Variants in LAMA2 observed in about 807,000 individuals in gnomAD.
LAMA2 encodes laminin subunit alpha 2.
LAMA2 carries 269 observed loss-of-function variants against 364.8 expected under a neutral mutation model. That is an observed-to-expected ratio of 0.74 (90% confidence interval 0.67 to 0.82). LAMA2 has a LOEUF of 0.82. Among genes scored for constraint, LAMA2 ranks in the 40% least tolerant of loss-of-function variants. LAMA2 has a pLI of 0.00. For missense variants in LAMA2, 3,807 were observed against 3,873.2 expected (o/e 0.98, Z 0.45); for synonymous variants, 1,379 against 1,370.6 (o/e 1.01, Z -0.14).
chr6:129,055,848 A>G (rs1312256092), intron 2 of LAMA2, among the ~76,000 whole-genome samples: 2 of 152,212 alleles, frequency 1.3e-5, no homozygotes, highest in Non-Finnish European at 2.9e-5. Flanking sequence ...TTGCATATTT[A>G]TCCCTGTTGA....
Position 129,317,143 on chromosome 6 carries a change from A to G in LAMA2, c.4058+972A>G, listed in dbSNP as rs532876459. Among the ~76,000 whole-genome samples, 6 of 152,292 alleles carry G rather than the reference A, an allele frequency of 3.9e-5. No homozygotes were observed. The East Asian group carries it at 9.6e-4, about 24-fold the overall frequency. On this transcript the variant is annotated intron_variant, in intron 27 of 64. Transcript: ENST00000421865. ...TTGAGTAGACGGTTCACCTTATCCAATGGGATAAAATGAGAAATCATACAG... is the reference window on the plus strand; with the variant it reads ...TTGAGTAGACGGTTCACCTTATCCAGTGGGATAAAATGAGAAATCATACAG...
At chr6:129,098,116 TA>T in intron 3 of LAMA2, 56 bp from the exon 4 acceptor site, 1 of 1,564,028 alleles carries the variant, frequency 6.4e-7, no homozygotes, top group Non-Finnish European at 8.8e-7. Flanking sequence ...ATATTTGACA[TA>T]AAATGATGAG....
chr6:129,450,570 C>G (rs1300497152), intron 45 of LAMA2, among the ~76,000 whole-genome samples: 2 of 152,168 alleles, frequency 1.3e-5, no homozygotes, highest in Non-Finnish European at 2.9e-5. Flanking sequence ...ATCCGCCCAT[C>G]TCAGCCTCCC....
chr6:129,035,221 C>A (rs1786534709), intron 1 of LAMA2, among the ~76,000 whole-genome samples: 1 of 151,028 alleles, frequency 6.6e-6, no homozygotes, highest in South Asian at 2.1e-4. Flanking sequence ...TAATTTGCAT[C>A]TCCCTGATGA....
chr6:129,004,967 T>C (rs1429761293), intron 1 of LAMA2, among the ~76,000 whole-genome samples: 1 of 152,116 alleles, frequency 6.6e-6, no homozygotes. Context: ...CTCATGGAAT[T>C]ATCAGATTCA....
At chr6:128,900,421 G>A (rs1255063474) in intron 1 of LAMA2, among the ~76,000 whole-genome samples, 1 of 152,162 alleles carries the variant, frequency 6.6e-6, no homozygotes, top group Non-Finnish European at 1.5e-5. Context: ...CATGGTCACA[G>A]TAAAGATTGA....
chr6:129,093,169 T>G (rs1774950007), intron 3 of LAMA2, among the ~76,000 whole-genome samples: 1 of 151,888 alleles, frequency 6.6e-6, no homozygotes, highest in African/African-American at 2.4e-5. Context: ...TTTGTATTTT[T>G]TAGTAGAGAC....
At chr6:129,405,408 T>C (rs1020847867) in intron 40 of LAMA2, among the ~76,000 whole-genome samples, 1 of 152,138 alleles carries the variant, frequency 6.6e-6, no homozygotes, top group Non-Finnish European at 1.5e-5. Context: ...GAAAAATCAT[T>C]TTTTGCCAAC....
chr6:129,502,604 C>A, intron 58 of LAMA2, 55 bp from the exon 59 acceptor site: 1 of 1,087,636 alleles, frequency 9.2e-7, no homozygotes, highest in Non-Finnish European at 1.4e-6. Flanking sequence ...AGCATCATTA[C>A]CTTTTTAAAG....
At chr6:129,023,084 G>T (rs552926473) in intron 1 of LAMA2, among the ~76,000 whole-genome samples, 4 of 152,092 alleles carry the variant, frequency 2.6e-5, no homozygotes, top group Admixed American at 2.0e-4. Flanking sequence ...TACCCTCCCT[G>T]CATCCATGTT....
intron 15 of LAMA2, among the ~76,000 whole-genome samples, chr6:129,264,590 A>G (rs942844796): frequency 1.3e-5 from 2 of 152,152 alleles, no homozygotes; most frequent in African/African-American, 2.4e-5. Context: ...TGATTTAAAA[A>G]AGAGAGAAAA....
intron 29 of LAMA2, among the ~76,000 whole-genome samples, chr6:129,337,841 T>C (rs942289136): frequency 2.6e-5 from 4 of 152,058 alleles, no homozygotes; most frequent in African/African-American, 9.7e-5. Context: ...ATCCAAAATA[T>C]AGGAATTTCC....
intron 1 of LAMA2, among the ~76,000 whole-genome samples, chr6:129,019,784 A>T (rs894705106): frequency 6.6e-6 from 1 of 152,164 alleles, no homozygotes; most frequent in African/African-American, 2.4e-5. Context: ...ACTGATTGAG[A>T]TGATTAAGAG....
intron 4 of LAMA2, among the ~76,000 whole-genome samples, chr6:129,119,548 A>ATTT (rs1439035678): frequency 6.6e-6 from 1 of 151,470 alleles, no homozygotes; most frequent in Non-Finnish European, 1.5e-5. Context: ...TTAATTAATT[A>ATTT]ATTATTTATT....
At chr6:129,211,922 TTAA>T (rs1783124449) in intron 12 of LAMA2, among the ~76,000 whole-genome samples, 1 of 152,204 alleles carries the variant, frequency 6.6e-6, no homozygotes, top group Admixed American at 6.5e-5. Flanking sequence ...CCTTAGGAAC[TTAA>T]TAATTCTTTG....
rs184302073 is a variant in LAMA2 at position 129,126,876 on chromosome 6, G to T, written c.640-17025G>T. Among the ~76,000 whole-genome samples the T allele has an allele frequency of 5.3e-5, 8 of 152,196 alleles. 1 individual carries two copies. Among genetic ancestry groups the T allele is most frequent in the African/African-American group, 1.9e-4 (8 of 41,534 alleles). ...GCTTGAGCTCAGGAGTTTGAGACCA[G>T]AATGGGCAACATGGTGAAACGCCAC... On this transcript the variant is annotated intron_variant, in intron 4 of 64. Transcript: ENST00000421865.
intron 12 of LAMA2, among the ~76,000 whole-genome samples, chr6:129,247,316 T>G (rs1348410093): frequency 1.3e-5 from 2 of 152,102 alleles, no homozygotes; most frequent in Non-Finnish European, 2.9e-5. Context: ...GCAGTCATGA[T>G]GGCACACACC....
intron 1 of LAMA2, among the ~76,000 whole-genome samples, chr6:128,971,418 TAA>T (rs201822182): frequency 0.012 from 1,753 of 152,204 alleles, 28 homozygotes; most frequent in African/African-American, 0.04. Flanking sequence ...ATGGAGAACT[TAA>T]GCTCATAGGT....
chr6:129,041,237 GTTCAATGAAT>G (rs1250224362), intron 1 of LAMA2, among the ~76,000 whole-genome samples: 1 of 152,090 alleles, frequency 6.6e-6, no homozygotes, highest in African/African-American at 2.4e-5. Flanking sequence ...CCCCTTAATT[GTTCAATGAAT>G]TTCTCATTGA....
Sources: allele counts gnomAD v4.1 joint callset (sites outside exome capture counted in the v4.1 genomes callset), GRCh38; gene constraint gnomAD v4.1.1; transcripts MANE v1.5; gene names NCBI Gene and HGNC (gene_info 2026-07-23, HGNC 2026-07-21).